MAF: variants seen among roughly 807,000 people sequenced by gnomAD.
MAF encodes MAF bZIP transcription factor.
Under a neutral mutation model 22.0 loss-of-function variants are expected in MAF, and 10 were observed. The observed-to-expected ratio is 0.45, with a 90% confidence interval of 0.28 to 0.77. MAF has a LOEUF of 0.77. MAF is among the 30% of genes least tolerant of loss of function. The pLI is 0.12. For missense variants in MAF, 544 were observed against 548.4 expected, an observed-to-expected ratio of 0.99 and a Z score of 0.08; for synonymous variants, 337 against 255.8, an observed-to-expected ratio of 1.32 and a Z score of -3.03.
At chr16:79,402,391 C>T in the MAF span, among the ~76,000 whole-genome samples, 13 of 152,184 alleles carry the variant, frequency 8.5e-5, no homozygotes, top group Non-Finnish European at 2.9e-5. Flanking sequence ...CAGGAAGGCC[C>T]CTGCTCTCAG....
At chr16:79,425,300 T>A in the MAF span, among the ~76,000 whole-genome samples, 1 of 152,192 alleles carries the variant, frequency 6.6e-6, no homozygotes, top group Non-Finnish European at 1.5e-5. Context: ...TGATGTCTTT[T>A]TTTTATTTTT....
the MAF span, among the ~76,000 whole-genome samples, chr16:79,438,473 G>A: frequency 2.0e-5 from 3 of 152,286 alleles, no homozygotes; most frequent in African/African-American, 7.2e-5. Context: ...AGGAGGCTGC[G>A]GAGAATTATG....
At chr16:79,595,710 TA>T in intron 1 of MAF, 1 of 1,057,942 alleles carries the variant, frequency 9.5e-7, no homozygotes, top group Non-Finnish European at 1.1e-6. Flanking sequence ...GCACAGCCTA[TA>T]TTCCACACAG....
At chr16:79,208,938 C>T in the MAF span, among the ~76,000 whole-genome samples, 1 of 152,148 alleles carries the variant, frequency 6.6e-6, no homozygotes, top group Non-Finnish European at 1.5e-5. Context: ...AGTGAGTACC[C>T]ATGAGCACCA....
At chr16:79,456,398 T>C in the MAF span, among the ~76,000 whole-genome samples, 8 of 152,194 alleles carry the variant, frequency 5.3e-5, no homozygotes, top group East Asian at 1.3e-3. Flanking sequence ...CCATTCTGTT[T>C]GGTAAAGCAC....
At chr16:79,556,382 G>A in the MAF span, among the ~76,000 whole-genome samples, 1 of 152,152 alleles carries the variant, frequency 6.6e-6, no homozygotes, top group Non-Finnish European at 1.5e-5. Flanking sequence ...AAGTCCACAG[G>A]TTTGCCATGA....
At chr16:79,282,870 A>T in the MAF span, among the ~76,000 whole-genome samples, 2 of 152,200 alleles carry the variant, frequency 1.3e-5, no homozygotes, top group Admixed American at 6.5e-5. Flanking sequence ...GCTGTCAGCT[A>T]AACCCATTCA....
At chr16:79,548,061 A>T in the MAF span, among the ~76,000 whole-genome samples, 1 of 152,198 alleles carries the variant, frequency 6.6e-6, no homozygotes, top group Admixed American at 6.5e-5. Flanking sequence ...TAAACATATC[A>T]TGGTTTGATA....
chr16:79,434,987 G>C, the MAF span, among the ~76,000 whole-genome samples: 1 of 152,074 alleles, frequency 6.6e-6, no homozygotes, highest in Non-Finnish European at 1.5e-5. Context: ...GCCCAGATCC[G>C]GCTGCTTATC....
the MAF span, among the ~76,000 whole-genome samples, chr16:79,550,124 T>C: frequency 6.6e-6 from 1 of 152,136 alleles, no homozygotes; most frequent in Non-Finnish European, 1.5e-5. Context: ...AGCCCTTTTG[T>C]TCCCCCAGGG....
chr16:79,426,436 C>T, the MAF span, among the ~76,000 whole-genome samples: 1 of 152,120 alleles, frequency 6.6e-6, no homozygotes, highest in Non-Finnish European at 1.5e-5. Context: ...AGAACTGTGA[C>T]AATTACATAA....
chr16:79,444,194 A>T, the MAF span, among the ~76,000 whole-genome samples: 15 of 151,748 alleles, frequency 9.9e-5, no homozygotes, highest in African/African-American at 3.4e-4. Context: ...ACACACACAT[A>T]CACACACACA....
chr16:79,535,159 C>G, the MAF span, among the ~76,000 whole-genome samples: 8 of 152,114 alleles, frequency 5.3e-5, no homozygotes, highest in Non-Finnish European at 1.2e-4. Flanking sequence ...ATCTCAGTGG[C>G]TTTAACTGAC....
chr16:79,288,166 G>C, the MAF span, among the ~76,000 whole-genome samples: 17 of 152,190 alleles, frequency 1.1e-4, no homozygotes, highest in African/African-American at 3.6e-4. Flanking sequence ...GATGATGACA[G>C]TGATGGATTA....
the MAF span, among the ~76,000 whole-genome samples, chr16:79,315,061 T>G: frequency 6.6e-6 from 1 of 152,248 alleles, no homozygotes; most frequent in African/African-American, 2.4e-5. Context: ...TCTGCTATAT[T>G]ATTAATTTCA....
At chr16:79,472,775 T>G in the MAF span, among the ~76,000 whole-genome samples, 2 of 152,024 alleles carry the variant, frequency 1.3e-5, no homozygotes, top group East Asian at 3.9e-4. Flanking sequence ...TATAGTAATG[T>G]ATATAAATTG....
the MAF span, among the ~76,000 whole-genome samples, chr16:79,558,512 T>C: frequency 2.6e-5 from 4 of 152,230 alleles, no homozygotes; most frequent in East Asian, 7.7e-4. Context: ...ATTTATATTA[T>C]TGTTTATTTT....
chr16:79,341,828 A>C, the MAF span, among the ~76,000 whole-genome samples: 3 of 152,126 alleles, frequency 2.0e-5, no homozygotes, highest in African/African-American at 7.2e-5. Context: ...GGTGACTTGG[A>C]GAGTTGAGAC....
the MAF span, among the ~76,000 whole-genome samples, chr16:79,401,728 G>C: frequency 1.3e-5 from 2 of 152,118 alleles, no homozygotes; most frequent in East Asian, 1.9e-4. Context: ...AGAATACGGA[G>C]ACCAGAAGGG....
Sources: gnomAD v4.1 joint callset for allele counts (sites outside exome capture counted in the v4.1 genomes callset) on GRCh38, gnomAD v4.1.1 for gene constraint, MANE v1.5 for transcripts, NCBI Gene and HGNC (gene_info 2026-07-23, HGNC 2026-07-21) for gene names.